Variants in DDX25 observed in about 807,000 individuals in gnomAD.
DDX25 encodes the protein DEAD-box helicase 25.
Under a neutral mutation model 64.6 loss-of-function variants are expected in DDX25, and 70 were observed. The ratio of observed to expected loss-of-function variants is 1.08; its 90% confidence interval spans 0.89 to 1.32. The LOEUF (loss-of-function observed/expected upper bound fraction) is 1.32, where lower values mean the gene tolerates loss of function less well. Ranked by LOEUF, DDX25 falls within the 40% of genes most tolerant of loss-of-function variation. The probability of loss-of-function intolerance (pLI) is 0.00; values close to 1 mark genes in which losing one functional copy is unlikely to be tolerated. For synonymous variants in DDX25, 211 were observed against 213.3 expected (o/e 0.99, Z 0.09); for missense variants, 587 against 604.4 (o/e 0.97, Z 0.30).
intron 8 of DDX25, among the ~76,000 whole-genome samples, chr11:125,914,162 C>G (rs1489481074): frequency 6.6e-6 from 1 of 152,206 alleles, no homozygotes. Flanking sequence ...TCTTTCACAG[C>G]AGAACGTTCC....
rs986811091 is a variant in DDX25 at position 125,922,825 on chromosome 11, A to G, written c.1396A>G (p.Ser466Gly). The change falls in exon 12 of 12, where the codon AGT (serine) becomes GGT (glycine). Residue 466 changes from serine to glycine, a missense_variant. Ser to Gly is a moderately conservative substitution (Grantham distance 56). Coordinates refer to ENST00000263576, the MANE Select transcript of DDX25 (RefSeq NM_013264.5). ...LMKIQDHFNS[S>G]IKQLNAEDMD... ...GTTCTCTTTTGTTCTTTTAGACAGC[A>G]GTATTAAGCAACTCAACGCTGAAGA... 1 of 1,608,298 alleles carries G rather than the reference A, an allele frequency of 6.2e-7. No homozygotes were observed. The highest frequency in any genetic ancestry group is 2.2e-5 in the East Asian group (1 of 44,830).
At chr11:125,913,065 G>A (rs1384300195) in intron 8 of DDX25, among the ~76,000 whole-genome samples, 1 of 151,766 alleles carries the variant, frequency 6.6e-6, no homozygotes. Context: ...GGCTGAGGCA[G>A]GAGAATGGCG....
intron 8 of DDX25, among the ~76,000 whole-genome samples, chr11:125,913,597 C>T (rs1288065504): frequency 6.6e-6 from 1 of 152,022 alleles, no homozygotes; most frequent in Non-Finnish European, 1.5e-5. Context: ...TTAATGTCAC[C>T]CTGATCTCCA....
Position 125,923,193 on chromosome 11 carries a change from T to C in DDX25, c.*312T>C, listed in dbSNP as rs1945135687. On this transcript the variant is annotated 3_prime_UTR_variant, in exon 12 of 12. Transcript: ENST00000263576. ...TACAATCTGAGCAGATCGTGCCTCT[T>C]GGGAGCATCTTACTGTGTCACAAGA... 2 of 234,074 alleles carry C rather than the reference T, an allele frequency of 8.5e-6. No individual in the cohort carries two copies. The highest frequency in any genetic ancestry group is 1.9e-4 in the East Asian group (2 of 10,774). The allele number at this position is 234,074 out of a possible 1,614,324, so 14.5% of individuals were successfully genotyped here. A position where few individuals can be genotyped will look rare whatever the true frequency, so the allele number is the denominator to read the frequency against.
intron 8 of DDX25, among the ~76,000 whole-genome samples, chr11:125,912,918 G>A (rs1237274320): frequency 6.6e-6 from 1 of 152,140 alleles, no homozygotes; most frequent in Non-Finnish European, 1.5e-5. Context: ...AGCACTTTGG[G>A]AGGCCGAGAC....
chr11:125,922,853 T>C lies in DDX25; in HGVS notation c.1424T>C (p.Met475Thr), dbSNP rs988560998. Residue 475 changes from methionine to threonine, a missense_variant, in exon 12 of 12, where the codon ATG becomes ACG. Physicochemically the swap from Met to Thr is moderately conservative, Grantham distance 81 (BLOSUM62 -1). Coordinates refer to ENST00000263576, the MANE Select transcript of DDX25 (RefSeq NM_013264.5). Reference sequence around the variant, plus strand: ...ATTAAGCAACTCAACGCTGAAGACATGGATGAAATTGAAAAGATTGACTAT... The same window carrying C: ...ATTAAGCAACTCAACGCTGAAGACACGGATGAAATTGAAAAGATTGACTAT... ...SSIKQLNAED[M>T]DEIEKIDY 1.2e-6 allele frequency: 2 copies of C among 1,609,718 alleles called. No homozygotes were observed. The highest frequency in any genetic ancestry group is 4.5e-5 in the East Asian group (2 of 44,842).
Position 125,921,962 on chromosome 11 carries a change from C to T in DDX25, c.1390+583C>T, listed in dbSNP as rs958985332. 1.3e-5 allele frequency: 2 copies of T among 152,328 alleles called. No homozygotes were observed. Among genetic ancestry groups the T allele is most frequent in the African/African-American group, 2.4e-5 (1 of 41,446 alleles). 9.4% of individuals were successfully genotyped at this position (152,328 alleles called of 1,614,324 possible). A position where few individuals can be genotyped will look rare whatever the true frequency, so the allele number is the denominator to read the frequency against. On this transcript the variant is annotated intron_variant, in intron 11 of 11. Coordinates refer to ENST00000263576, the MANE Select transcript of DDX25 (RefSeq NM_013264.5). The surrounding 1 kb of genome is among the most constrained non-coding windows in gnomAD (Gnocchi z 4.1). ...GTCAGAATTTCACATCTTGTGAAGG[C>T]AGAGCAGATTACAGAAGCAGATTTT...
chr11:125,921,590 C>A lies in DDX25; in HGVS notation c.1390+211C>A. Reference sequence around the variant, plus strand: ...GTAATTAAAAATTATTTTGATCAAGCAGAATTAATATGAGCTCAGGCCGGG... The same window carrying A: ...GTAATTAAAAATTATTTTGATCAAGAAGAATTAATATGAGCTCAGGCCGGG... On this transcript the variant is annotated intron_variant, in intron 11 of 11. Coordinates refer to ENST00000263576, the MANE Select transcript of DDX25 (RefSeq NM_013264.5). This position sits in a 1 kb window ranked among gnomAD's most constrained non-coding sequence, Gnocchi z 4.1. The A allele has an allele frequency of 1.7e-6, 1 of 581,008 alleles. No homozygotes were observed. The highest frequency in any genetic ancestry group is 2.9e-6 in the Non-Finnish European group (1 of 348,070). 36.0% of individuals were successfully genotyped at this position (581,008 alleles called of 1,614,324 possible).
Position 125,923,124 on chromosome 11 carries a change from A to G in DDX25, c.*243A>G, listed in dbSNP as rs1313819317. The G allele has an allele frequency of 2.1e-6, 1 of 468,596 alleles. No homozygotes were observed. The allele number at this position is 468,596 out of a possible 1,614,324, so 29.0% of individuals were successfully genotyped here. ...TTCTTATTCTAATCTTTGTACAGGT[A>G]ATGTCTCAATGTGGGCTATGGGGGT... On this transcript the variant is annotated 3_prime_UTR_variant, in exon 12 of 12. Coordinates refer to ENST00000263576, the MANE Select transcript of DDX25 (RefSeq NM_013264.5).
intron 9 of DDX25, 75 bp from the exon 10 acceptor site, chr11:125,918,553 C>G: frequency 1.3e-6 from 2 of 1,535,386 alleles, no homozygotes; most frequent in Non-Finnish European, 1.8e-6. Flanking sequence ...GCCCTGCATG[C>G]ATGGTGTCAC....
chr11:125,907,405 G>A (rs990839998), intron 4 of DDX25, among the ~76,000 whole-genome samples: 50 of 152,032 alleles, frequency 3.3e-4, no homozygotes, highest in African/African-American at 4.6e-4. Flanking sequence ...TCAGGAGATC[G>A]AGACCATCCT....
chr11:125,908,064 A>G, intron 4 of DDX25, 132 bp from the exon 5 acceptor site: 1 of 689,140 alleles, frequency 1.5e-6, no homozygotes, highest in Non-Finnish European at 2.4e-6. Flanking sequence ...GGTATGAATG[A>G]TCTATCTCCA....
intron 8 of DDX25, among the ~76,000 whole-genome samples, chr11:125,911,919 C>T (rs1944973787): frequency 1.3e-5 from 2 of 152,118 alleles, no homozygotes; most frequent in Middle Eastern, 3.2e-3. Flanking sequence ...TGTAAAAAGC[C>T]GTGTCATTTT....
intron 9 of DDX25, among the ~76,000 whole-genome samples, chr11:125,917,868 TTTTAA>T (rs1945058825): frequency 6.6e-6 from 1 of 152,080 alleles, no homozygotes; most frequent in South Asian, 2.1e-4. Context: ...TGTTTTTAAT[TTTTAA>T]TTTGTTTTAT....
intron 2 of DDX25, 72 bp downstream of exon 2, chr11:125,905,350 T>C: frequency 6.6e-7 from 1 of 1,509,000 alleles, no homozygotes; most frequent in Non-Finnish European, 9.0e-7. Flanking sequence ...ATCACGTCCC[T>C]GCCAAGTGAA....
At chr11:125,903,581 GATA>G (rs1944830578), upstream of DDX25, among the ~76,000 whole-genome samples, 1 of 152,008 alleles carries the variant, frequency 6.6e-6, no homozygotes, top group Non-Finnish European at 1.5e-5. Context: ...AAATGAATAT[GATA>G]ATCTCAAAAC....
chr11:125,913,408 G>T (rs1157310351), intron 8 of DDX25, among the ~76,000 whole-genome samples: 1 of 152,008 alleles, frequency 6.6e-6, no homozygotes, highest in Non-Finnish European at 1.5e-5. Context: ...GCCCTTACAT[G>T]TCTGAAGATG....
intron 4 of DDX25, among the ~76,000 whole-genome samples, chr11:125,907,807 T>C (rs1329540926): frequency 1.3e-5 from 2 of 152,192 alleles, no homozygotes; most frequent in Non-Finnish European, 2.9e-5. Context: ...CTGTTAAAAA[T>C]GTCAATATCG....
Position 125,911,404 on chromosome 11 carries a change from C to CT in DDX25, c.717dup (p.Lys240Ter). 6.2e-7 allele frequency: 1 copy of CT among 1,613,902 alleles called. No homozygotes were observed. The highest frequency in any genetic ancestry group is 8.5e-7 in the Non-Finnish European group (1 of 1,179,866). ...TTTAAACTAAAATTGATTGATTTGA[C>CT]TAAGATTCGTGTGTTTGTCCTGGAT... On this transcript the variant is annotated frameshift_variant, in exon 8 of 12. Coordinates refer to ENST00000263576, the MANE Select transcript of DDX25 (RefSeq NM_013264.5). LOFTEE classifies it high-confidence loss of function.
Sources: allele counts gnomAD v4.1 joint callset (sites outside exome capture counted in the v4.1 genomes callset), GRCh38; gene constraint gnomAD v4.1.1; non-coding constraint Gnocchi (gnomAD v3.1); transcripts MANE v1.5; gene names NCBI Gene and HGNC (gene_info 2026-07-23, HGNC 2026-07-21).